Variants in DOCK10 observed in about 807,000 individuals in gnomAD.
DOCK10 encodes the protein dedicator of cytokinesis 10.
DOCK10 carries 145 observed loss-of-function variants against 280.1 expected under a neutral mutation model. The observed-to-expected ratio is 0.52, with a 90% confidence interval of 0.45 to 0.59. DOCK10 has a LOEUF of 0.59. Ranked by LOEUF, DOCK10 falls within the 20% of genes least tolerant of loss-of-function variation. DOCK10 has a pLI of 0.00. For synonymous variants in DOCK10, 915 were observed against 942.2 expected, an observed-to-expected ratio of 0.97 and a Z score of 0.53; for missense variants, 2,368 against 2,651.7, an observed-to-expected ratio of 0.89 and a Z score of 2.35.
At chr2:224,827,602 C>G (rs1038544699) in intron 27 of DOCK10, among the ~76,000 whole-genome samples, 3 of 152,110 alleles carry the variant, frequency 2.0e-5, no homozygotes, top group African/African-American at 7.2e-5. Context: ...AGATGTTAAG[C>G]GTCGTTTTCG....
At position 225,005,718 on chromosome 2, in the gene DOCK10, G is replaced by A. The variant is rs78012543; in HGVS notation, c.123+36534C>T. On this transcript the variant is annotated intron_variant, in intron 1 of 55. Coordinates refer to ENST00000258390, the MANE Select transcript of DOCK10 (RefSeq NM_014689.3). ...AAAGTTTCTAAGCCCAAGCCCACTC[G>A]GTCTTTGTGTGAAGGGGAAGAATTG... Among the ~76,000 whole-genome samples the A allele has an allele frequency of 5.0e-3, 761 of 152,274 alleles. 5 individuals carry two copies. The highest frequency in any genetic ancestry group is 0.017 in the African/African-American group (725 of 41,568).
chr2:224,806,119 C>G lies in DOCK10; in HGVS notation c.3814+7G>C, dbSNP rs907816141. The G allele has an allele frequency of 1.3e-6, 2 of 1,536,722 alleles. No homozygotes were observed. Among genetic ancestry groups the G allele is most frequent in the Non-Finnish European group, 9.0e-7 (1 of 1,115,628 alleles). ...AAAAATAAGTGTTCTCAGAAGATCT[C>G]AAGTACCTGCTATGGAATTTAAAAC... is the stretch of plus-strand genomic sequence containing the variant. On this transcript the variant is annotated splice_region_variant and intron_variant, in intron 34 of 55. Transcript: ENST00000258390.
chr2:224,827,322 A>G (rs1467008234), intron 27 of DOCK10, among the ~76,000 whole-genome samples: 1 of 151,778 alleles, frequency 6.6e-6, no homozygotes, highest in African/African-American at 2.4e-5. Context: ...CACTGTGATG[A>G]TTAGAGATGG....
chr2:224,953,323 A>G (rs1211604704), intron 1 of DOCK10, among the ~76,000 whole-genome samples: 1 of 151,992 alleles, frequency 6.6e-6, no homozygotes, highest in East Asian at 1.9e-4. Context: ...TTTCCAGTAG[A>G]TTTCCCCATT....
chr2:225,033,083 C>A (rs116613139), intron 1 of DOCK10, among the ~76,000 whole-genome samples: 1,676 of 152,262 alleles, frequency 0.011, 34 homozygotes, highest in African/African-American at 0.038. Context: ...CCTAGCTTCC[C>A]AAATTCTACA....
At chr2:224,802,098 C>T (rs2125183653) in intron 39 of DOCK10, 58 bp from the exon 40 acceptor site, 1 of 1,551,608 alleles carries the variant, frequency 6.4e-7, no homozygotes, top group African/African-American at 1.4e-5. Context: ...AGCCAAATAA[C>T]ACTTGTTCAT....
At chr2:224,966,872 C>T (rs1024621743) in intron 1 of DOCK10, among the ~76,000 whole-genome samples, 2 of 151,236 alleles carry the variant, frequency 1.3e-5, no homozygotes, top group African/African-American at 4.9e-5. Flanking sequence ...TTAAATAGCT[C>T]ATCTAGAAGC....
chr2:225,014,656 A>T (rs1689544039), intron 1 of DOCK10, among the ~76,000 whole-genome samples: 1 of 152,100 alleles, frequency 6.6e-6, no homozygotes, highest in African/African-American at 2.4e-5. Flanking sequence ...GCAAGTTTAG[A>T]AGCTCAATAT....
At chr2:224,961,473 T>TTTCTTTCC (rs2126170694) in intron 1 of DOCK10, among the ~76,000 whole-genome samples, 1 of 144,984 alleles carries the variant, frequency 6.9e-6, no homozygotes, top group South Asian at 2.1e-4. Flanking sequence ...TTTCTTTTTC[T>TTTCTTTCC]TTCTTTCTTT....
At chr2:224,883,411 A>G (rs1699089301) in intron 7 of DOCK10, among the ~76,000 whole-genome samples, 1 of 152,244 alleles carries the variant, frequency 6.6e-6, no homozygotes, top group Non-Finnish European at 1.5e-5. Context: ...CACTTAGGAA[A>G]AAATATCCGG....
chr2:224,922,327 T>C (rs530915471), intron 2 of DOCK10, among the ~76,000 whole-genome samples: 57 of 152,348 alleles, frequency 3.7e-4, no homozygotes, highest in Admixed American at 2.8e-3. Flanking sequence ...GAGAATCAGA[T>C]GCTTTCAGAC....
At position 224,786,858 on chromosome 2, in the gene DOCK10, T is replaced by C. The variant is rs1691766596; in HGVS notation, c.5655+164A>G. Among the ~76,000 whole-genome samples, 1 of 152,202 alleles carries C rather than the reference T, an allele frequency of 6.6e-6. No homozygotes were observed. Among genetic ancestry groups the C allele is most frequent in the African/African-American group, 2.4e-5 (1 of 41,454 alleles). ...TGTTTCCCAACTTTGTACATTCCTATGGATAAACATATAGACCATCACATC... is the reference window on the plus strand; with the variant it reads ...TGTTTCCCAACTTTGTACATTCCTACGGATAAACATATAGACCATCACATC... On this transcript the variant is annotated intron_variant, in intron 50 of 55. Coordinates refer to ENST00000258390, the MANE Select transcript of DOCK10 (RefSeq NM_014689.3). The surrounding 1 kb of genome is among the most constrained non-coding windows in gnomAD (Gnocchi z 4.7).
intron 1 of DOCK10, among the ~76,000 whole-genome samples, chr2:224,938,007 C>A (rs1259827028): frequency 1.3e-5 from 2 of 152,042 alleles, no homozygotes; most frequent in Non-Finnish European, 2.9e-5. Context: ...GACTGAGGAC[C>A]GCATATCTGG....
intron 2 of DOCK10, among the ~76,000 whole-genome samples, chr2:224,920,221 C>T (rs1275447597): frequency 6.9e-6 from 1 of 144,096 alleles, no homozygotes; most frequent in Non-Finnish European, 1.5e-5. Flanking sequence ...CACCACTATG[C>T]CTGGCTAATT....
At position 224,921,134 on chromosome 2, in the gene DOCK10, T is replaced by TATATATATATATAA. The variant is rs1210407698; in HGVS notation, c.244-4351_244-4350insTTATATATATATAT. Among the ~76,000 whole-genome samples the TATATATATATATAA allele has an allele frequency of 3.7e-5, 4 of 109,180 alleles. 1 individual carries two copies. The highest frequency in any genetic ancestry group is 1.7e-4 in the African/African-American group (4 of 23,314). 71.6% of individuals were successfully genotyped at this position (109,180 alleles called of 152,430 possible). On this transcript the variant is annotated intron_variant, in intron 2 of 55. Coordinates refer to ENST00000258390, the MANE Select transcript of DOCK10 (RefSeq NM_014689.3). Reference sequence around the variant, plus strand: ...AAAAATATATATATATATATATATATAATGTATATACACAAAAAATAGCCG... The same window carrying TATATATATATATAA: ...AAAAATATATATATATATATATATATATATATATATATAAAATGTATATACACAAAAAATAGCCG...
intron 47 of DOCK10, among the ~76,000 whole-genome samples, chr2:224,789,615 C>T (rs1288928934): frequency 6.6e-6 from 1 of 152,082 alleles, no homozygotes; most frequent in Non-Finnish European, 1.5e-5. Flanking sequence ...GTGTGGGTGC[C>T]TGTAATCCCA....
intron 3 of DOCK10, among the ~76,000 whole-genome samples, chr2:224,898,406 C>T (rs1168648518): frequency 1.3e-5 from 2 of 152,048 alleles, no homozygotes; most frequent in Non-Finnish European, 2.9e-5. Flanking sequence ...AACTTAAAAA[C>T]GAAACAGTGG....
intron 3 of DOCK10, among the ~76,000 whole-genome samples, chr2:224,900,699 T>C (rs895259618): frequency 3.3e-5 from 5 of 152,238 alleles, no homozygotes; most frequent in African/African-American, 1.2e-4. Flanking sequence ...TCTGCCTAAG[T>C]AATACCACCT....
chr2:224,825,170 G>C (rs1285981458), intron 27 of DOCK10, among the ~76,000 whole-genome samples: 1 of 151,758 alleles, frequency 6.6e-6, no homozygotes, highest in Non-Finnish European at 1.5e-5. Context: ...AGTAGAGATG[G>C]GGTTTCACCA....
Sources: gnomAD v4.1 joint callset for allele counts (sites outside exome capture counted in the v4.1 genomes callset) on GRCh38, gnomAD v4.1.1 for gene constraint, Gnocchi (gnomAD v3.1) non-coding constraint, MANE v1.5 for transcripts, NCBI Gene and HGNC (gene_info 2026-07-23, HGNC 2026-07-21) for gene names.